BTBD8: variants seen among roughly 807,000 people sequenced by gnomAD.
BTBD8 encodes BTB domain containing 8.
Under a neutral mutation model 162.9 loss-of-function variants are expected in BTBD8, and 110 were observed. The ratio of observed to expected loss-of-function variants is 0.68; its 90% CI spans 0.58 to 0.79. The LOEUF (loss-of-function observed/expected upper bound fraction) is 0.79, where lower values mean the gene tolerates loss of function less well. Among genes scored for constraint, BTBD8 ranks in the 30% least tolerant of loss-of-function variants. The pLI is 0.00. For missense variants in BTBD8, 1,905 were observed against 2,085.4 expected (o/e 0.91, Z 1.68); for synonymous variants, 667 against 716.1 (o/e 0.93, Z 1.10).
intron 9 of BTBD8, among the ~76,000 whole-genome samples, chr1:92,163,699 CGTT>C (rs976433706): frequency 6.6e-6 from 1 of 151,716 alleles, no homozygotes; most frequent in Non-Finnish European, 1.5e-5. Context: ...TTTAAACTGT[CGTT>C]GTGTTAACTG....
At chr1:92,158,779 T>C (rs763950006) in intron 9 of BTBD8, among the ~76,000 whole-genome samples, 2 of 151,236 alleles carry the variant, frequency 1.3e-5, no homozygotes, top group East Asian at 1.9e-4. Context: ...CTTAAAAAAA[T>C]GAAAAAAAAA....
Position 92,182,589 on chromosome 1 carries a change from T to C in BTBD8, c.4906T>C (p.Ser1636Pro). ...TTTEKANIAL[S>P]AGDIDDCDTL... Reference sequence around the variant, plus strand: ...TACTGAAAAAGCTAATATTGCTTTATCTGCAGGTAATGTACAGAAATAGAA... The same window carrying C: ...TACTGAAAAAGCTAATATTGCTTTACCTGCAGGTAATGTACAGAAATAGAA... The change falls in exon 17 of 18, where the codon TCT (serine) becomes CCT (proline). Residue 1636 changes from serine (S) to proline (P), a missense_variant. This residue lies in a region of BTBD8 where 517 missense variants were observed against 606.6 expected (regional missense o/e 0.85). Transcript: ENST00000636805. The C allele has an allele frequency of 6.7e-7, 1 of 1,481,584 alleles. No homozygotes were observed. Among genetic ancestry groups the C allele is most frequent in the South Asian group, 1.4e-5 (1 of 71,278 alleles). 91.8% of individuals were successfully genotyped at this position (1,481,584 alleles called of 1,614,324 possible). A position where few individuals can be genotyped will look rare whatever the true frequency, so the allele number is the denominator to read the frequency against.
chr1:92,179,621 A>G (rs1650827837), intron 16 of BTBD8, among the ~76,000 whole-genome samples: 1 of 152,222 alleles, frequency 6.6e-6, no homozygotes, highest in African/African-American at 2.4e-5. Flanking sequence ...TTGAATGTCC[A>G]AAATATCATC....
At chr1:92,152,960 A>G (rs1360760761) in intron 9 of BTBD8, among the ~76,000 whole-genome samples, 10 of 152,282 alleles carry the variant, frequency 6.6e-5, no homozygotes, top group African/African-American at 2.4e-4. Context: ...GTCATATTTT[A>G]TTGTATAAGT....
chr1:92,091,858 T>G (rs1438597780), intron 2 of BTBD8, among the ~76,000 whole-genome samples: 1 of 152,236 alleles, frequency 6.6e-6, no homozygotes, highest in East Asian at 1.9e-4. Context: ...AGCTTCATTC[T>G]TTTGTATGCA....
At chr1:92,162,030 G>A (rs1349620537) in intron 9 of BTBD8, among the ~76,000 whole-genome samples, 8 of 150,318 alleles carry the variant, frequency 5.3e-5, no homozygotes, top group East Asian at 2.0e-4. Context: ...ATTGTGAACC[G>A]CTAAATACAT....
intron 1 of BTBD8, among the ~76,000 whole-genome samples, chr1:92,084,339 TA>T (rs1648098145): frequency 6.6e-6 from 1 of 152,128 alleles, no homozygotes; most frequent in African/African-American, 2.4e-5. Context: ...GGCATACACT[TA>T]AAATGACCCT....
intron 1 of BTBD8, among the ~76,000 whole-genome samples, chr1:92,086,209 C>G (rs1432582492): frequency 6.6e-6 from 1 of 152,088 alleles, no homozygotes. Flanking sequence ...GCCCCGGATT[C>G]CATCCAAGCC....
In BTBD8 at chr1:92,180,904, C is replaced by A. The variant is rs898839161; in HGVS notation, c.3221C>A (p.Ser1074Tyr). The A allele has an allele frequency of 6.4e-7, 1 of 1,551,634 alleles. No homozygotes were observed. Among genetic ancestry groups the A allele is most frequent in the Non-Finnish European group, 8.7e-7 (1 of 1,146,964 alleles). ...DCDAANICCH[S>Y]VGSDNVNSKF... is the part of the protein sequence containing the mutation. Reference sequence around the variant, plus strand: ...GATGCAGCTAACATATGTTGTCATTCTGTTGGGAGTGATAATGTAAATTCA... The same window carrying A: ...GATGCAGCTAACATATGTTGTCATTATGTTGGGAGTGATAATGTAAATTCA... The change falls in exon 17 of 18, where the codon TCT becomes TAT. Residue 1074 changes from serine to tyrosine, a missense_variant. This residue lies in a region of BTBD8 where 1,374 missense variants were observed against 1,442.7 expected (regional missense o/e 0.95). Coordinates refer to ENST00000636805, the MANE Select transcript of BTBD8 (RefSeq NM_001376131.1).
intron 5 of BTBD8, 58 bp downstream of exon 5, chr1:92,129,834 C>T (rs1443907001): frequency 2.1e-6 from 3 of 1,403,860 alleles, no homozygotes; most frequent in Admixed American, 1.7e-5. Context: ...GTATTTCATA[C>T]AAAGCACTTT....
intron 4 of BTBD8, among the ~76,000 whole-genome samples, chr1:92,126,776 C>T (rs745410938): frequency 2.0e-5 from 3 of 152,112 alleles, no homozygotes; most frequent in Non-Finnish European, 2.9e-5. Flanking sequence ...AGTTGAATTA[C>T]CATAGAGTAA....
chr1:92,178,897 A>G (rs924823078), intron 16 of BTBD8, among the ~76,000 whole-genome samples: 3 of 152,174 alleles, frequency 2.0e-5, no homozygotes, highest in African/African-American at 7.2e-5. Flanking sequence ...TGAAAGTTCC[A>G]TTGATAATTA....
intron 13 of BTBD8, among the ~76,000 whole-genome samples, chr1:92,176,103 G>A (rs543999909): frequency 6.6e-6 from 1 of 152,132 alleles, no homozygotes; most frequent in African/African-American, 2.4e-5. Flanking sequence ...CTTCCTAGGA[G>A]CTTTTAAAAA....
chr1:92,170,215 A>C (rs932484505), intron 12 of BTBD8, among the ~76,000 whole-genome samples: 1 of 152,188 alleles, frequency 6.6e-6, no homozygotes, highest in Admixed American at 6.5e-5. Context: ...TAATCCAACT[A>C]TCCAGCTAAT....
chr1:92,174,167 CT>C (rs2100681064), intron 13 of BTBD8, among the ~76,000 whole-genome samples: 1 of 152,112 alleles, frequency 6.6e-6, no homozygotes, highest in East Asian at 1.9e-4. Flanking sequence ...TCATTATACT[CT>C]TCTGTCCTCT....
At chr1:92,136,761 T>A (rs142357007) in intron 5 of BTBD8, among the ~76,000 whole-genome samples, 1 of 152,340 alleles carries the variant, frequency 6.6e-6, no homozygotes, top group African/African-American at 2.4e-5. Context: ...TTCCAGTGCA[T>A]TTTGATCTTG....
intron 9 of BTBD8, among the ~76,000 whole-genome samples, chr1:92,155,949 T>G (rs1488573063): frequency 1.3e-5 from 2 of 152,132 alleles, no homozygotes; most frequent in Non-Finnish European, 2.9e-5. Flanking sequence ...TTGTTCTGGT[T>G]AGGGCTTCCA....
intron 4 of BTBD8, among the ~76,000 whole-genome samples, chr1:92,108,962 A>G (rs757125657): frequency 6.6e-6 from 1 of 152,222 alleles, no homozygotes; most frequent in South Asian, 2.1e-4. Context: ...GCCAAATAGT[A>G]GTAATATTTG....
In BTBD8 at chr1:92,080,446, CT is replaced by C; in HGVS notation, c.-122del. ...CTACAAACCGACGAGAGGCGTCAAC[CT>C]TTTACCCTAGGGGGCGGATTTGGGT... On this transcript the variant is annotated 5_prime_UTR_variant, in exon 1 of 18. Coordinates refer to ENST00000636805, the MANE Select transcript of BTBD8 (RefSeq NM_001376131.1). 2.8e-6 allele frequency: 4 copies of C among 1,414,570 alleles called. No homozygotes were observed. Among genetic ancestry groups the C allele is most frequent in the South Asian group, 1.4e-5 (1 of 69,598 alleles). 87.6% of individuals were successfully genotyped at this position (1,414,570 alleles called of 1,614,324 possible).
Sources: gnomAD v4.1 joint callset for allele counts (sites outside exome capture counted in the v4.1 genomes callset) on GRCh38, gnomAD v4.1.1 for gene constraint, gnomAD v4.1.1 regional missense constraint, MANE v1.5 for transcripts, NCBI Gene and HGNC (gene_info 2026-07-23, HGNC 2026-07-21) for gene names.